Variants in SHOX observed in about 807,000 individuals in gnomAD.
The protein encoded by SHOX is SHOX homeobox.
Under a neutral mutation model 29.6 loss-of-function variants are expected in SHOX, and 12 were observed. The ratio of observed to expected loss-of-function variants is 0.41; its 90% CI spans 0.26 to 0.66. SHOX has a LOEUF of 0.66. Among genes scored for constraint, SHOX ranks in the 30% least tolerant of loss-of-function variants. The pLI, the probability that SHOX is intolerant of heterozygous loss-of-function variation, is 0.35. For missense variants in SHOX, 499 were observed against 437.7 expected (o/e 1.14, Z -1.25); for synonymous variants, 214 against 200.6 (o/e 1.07, Z -0.57).
intron 2 of SHOX, 103 bp from the exon 3 acceptor site, chrX:640,718 A>C: frequency 1.5e-6 from 2 of 1,306,352 alleles, no homozygotes; most frequent in Non-Finnish European, 2.2e-6. Context: ...CCCAGCTCCC[A>C]GAGGTGCAAA....
At chrX:627,771 C>G (rs966765843), upstream of SHOX, among the ~76,000 whole-genome samples, 14 of 152,120 alleles carry the variant, frequency 9.2e-5, no homozygotes, top group African/African-American at 2.9e-4. Context: ...GATTGCGGCC[C>G]AAGAAGGAAC....
At chrX:636,970 A>ATATATATATATATATATATATATATAT (rs1458275715) in intron 2 of SHOX, among the ~76,000 whole-genome samples, 92 of 137,266 alleles carry the variant, frequency 6.7e-4, no homozygotes, top group African/African-American at 1.3e-3. Flanking sequence ...ATATATATAT[A>ATATATATATATATATATATATATATAT]TTTTGGCTCC....
Position 651,102 on chromosome X carries a change from A to ATT in SHOX, c.*6468_*6469dup, listed in dbSNP as rs1203456620. ...ACTTTGTGATGTATGTGCATTTGTT[A>ATT]TTTATTTTTTTTTCCTTGGTCGGAC... On this transcript the variant is annotated 3_prime_UTR_variant, in exon 5 of 5. Transcript: ENST00000686671. The ATT allele has an allele frequency of 6.4e-6, 2 of 311,992 alleles. No homozygotes were observed. Among genetic ancestry groups the ATT allele is most frequent in the African/African-American group, 5.3e-5 (2 of 37,786 alleles). The allele number at this position is 311,992 out of a possible 1,614,324, so 19.3% of individuals were successfully genotyped here.
chrX:635,791 C>T (rs2052734917), intron 2 of SHOX, among the ~76,000 whole-genome samples: 1 of 152,018 alleles, frequency 6.6e-6, no homozygotes, highest in South Asian at 2.1e-4. Context: ...GACAGTTCAG[C>T]TCCCCTGGAA....
rs199719352 is a variant in SHOX, at chrX:625,057, T to TCCCTCCCTCCCTCCTTC, written c.-433+457_-433+458insCTCCCTCCCTCCTTCCC. On this transcript the variant is annotated intron_variant, in intron 1 of 5. Transcript: ENST00000334060. ...CCTTTCCTTTCCTCCCTCTGTTCCT[T>TCCCTCCCTCCCTCCTTC]CCTCCCTCCCTCCCTCCTTCTCTCC... Among the ~76,000 whole-genome samples, 57 of 97,164 alleles carry TCCCTCCCTCCCTCCTTC rather than the reference T, an allele frequency of 5.9e-4. 2 individuals carry two copies. The highest frequency in any genetic ancestry group is 1.8e-3 in the African/African-American group (51 of 28,842). 63.7% of individuals were successfully genotyped at this position (97,164 alleles called of 152,430 possible).
rs915669873 is a variant in SHOX at position 649,739 on chromosome X, G to A, written c.*5103G>A. On this transcript the variant is annotated 3_prime_UTR_variant, in exon 5 of 5. Coordinates refer to ENST00000686671, the MANE Select transcript of SHOX (RefSeq NM_000451.4). Reference sequence around the variant, plus strand: ...CACTGATAGGAACACGTTGCTGGCCGAACTGAACGATGCTGGGTTGGGTCC... The same window carrying A: ...CACTGATAGGAACACGTTGCTGGCCAAACTGAACGATGCTGGGTTGGGTCC... 3.9e-5 allele frequency among the ~76,000 whole-genome samples: 6 copies of A among 152,134 alleles called. No individual in the cohort carries two copies. The highest frequency in any genetic ancestry group is 1.2e-4 in the African/African-American group (5 of 41,436).
rs2053010398 is a variant in SHOX at position 649,009 on chromosome X, T to A, written c.*4373T>A. On this transcript the variant is annotated 3_prime_UTR_variant, in exon 5 of 5. Coordinates refer to ENST00000686671, the MANE Select transcript of SHOX (RefSeq NM_000451.4). ...TTTTCTTTCTCTTTTCCTTTTTTGT[T>A]TCTTTCTTTCTTTTTCTTTCTTTCT... Among the ~76,000 whole-genome samples the A allele has an allele frequency of 1.5e-5, 2 of 137,192 alleles. No individual in the cohort carries two copies. The highest frequency in any genetic ancestry group is 2.1e-4 in the South Asian group (1 of 4,688). The allele number at this position is 137,192 out of a possible 152,430, so 90.0% of individuals were successfully genotyped here. A position where few individuals can be genotyped will look rare whatever the true frequency, so the allele number is the denominator to read the frequency against.
intron 5 of SHOX, among the ~76,000 whole-genome samples, chrX:657,987 T>C (rs1039025158): frequency 4.6e-5 from 7 of 152,028 alleles, no homozygotes; most frequent in Non-Finnish European, 7.4e-5. Context: ...CTCTCTCTCT[T>C]TTTTTGAGAC....
At chrX:655,606 CTCTCTCTCTATATATATATATA>C (rs1166558345), downstream of SHOX, among the ~76,000 whole-genome samples, 1,346 of 35,336 alleles carry the variant, frequency 0.038, 6 homozygotes, top group African/African-American at 0.044. Context: ...CTCTCTCTCT[CTCTCTCTCTATATATATATATA>C]TATATATATA....
chrX:647,057 C>T lies in SHOX; in HGVS notation c.*2421C>T, dbSNP rs1603289354. 2.0e-5 allele frequency among the ~76,000 whole-genome samples: 3 copies of T among 152,284 alleles called. No individual in the cohort carries two copies. The highest frequency in any genetic ancestry group is 2.9e-5 in the Non-Finnish European group (2 of 68,030). Reference sequence around the variant, plus strand: ...TCACTCCACGTGAGTAGAAAGACATCTACCTGGTCCCTGTAGAATCTGAAC... The same window carrying T: ...TCACTCCACGTGAGTAGAAAGACATTTACCTGGTCCCTGTAGAATCTGAAC... On this transcript the variant is annotated 3_prime_UTR_variant, in exon 5 of 5. Transcript: ENST00000686671.
At chrX:655,639 T>TG (rs2053136619), downstream of SHOX, among the ~76,000 whole-genome samples, 1 of 116,366 alleles carries the variant, frequency 8.6e-6, no homozygotes, top group Non-Finnish European at 1.8e-5. Flanking sequence ...TATATATATA[T>TG]ATATATATAT....
chrX:636,121 A>G (rs2052741975), intron 2 of SHOX, among the ~76,000 whole-genome samples: 1 of 151,020 alleles, frequency 6.6e-6, no homozygotes, highest in South Asian at 2.1e-4. Flanking sequence ...ATCTTTCATT[A>G]TATGTGTGTC....
At chrX:624,869 T>TCTTTC (rs1491305005) in intron 1 of SHOX, among the ~76,000 whole-genome samples, 1,431 of 58,276 alleles carry the variant, frequency 0.025, 28 homozygotes, top group Non-Finnish European at 0.027. Context: ...TTCTTTTCTT[T>TCTTTC]CTTTCTTTCT....
chrX:643,006 C>G (rs1454807638), intron 4 of SHOX, among the ~76,000 whole-genome samples: 1 of 147,144 alleles, frequency 6.8e-6, no homozygotes, highest in Non-Finnish European at 1.5e-5. Flanking sequence ...GCTTGGGGAC[C>G]TGGTGTCTCT....
At position 630,843 on chromosome X, in the gene SHOX, C is replaced by T. The variant is rs772910213; in HGVS notation, c.-55C>T. On this transcript the variant is annotated 5_prime_UTR_variant, in exon 1 of 5. Transcript: ENST00000686671. Reference sequence around the variant, plus strand: ...GCGCGCACGGGCCGTCCTCTCCGCGCGGGGAGACGCGCGCATCCACCAGCC... The same window carrying T: ...GCGCGCACGGGCCGTCCTCTCCGCGTGGGGAGACGCGCGCATCCACCAGCC... 6,294 of 1,607,792 alleles carry T rather than the reference C, an allele frequency of 3.9e-3. 20 individuals carry two copies. The highest frequency in any genetic ancestry group is 4.8e-3 in the Non-Finnish European group (5,624 of 1,176,932).
chrX:652,217 T>C (rs1360287233), downstream of SHOX, among the ~76,000 whole-genome samples: 1 of 152,150 alleles, frequency 6.6e-6, no homozygotes, highest in Non-Finnish European at 1.5e-5. Flanking sequence ...TTTTATTTTG[T>C]TCCAGTTTTC....
chrX:653,823 C>G (rs1371644324), downstream of SHOX, among the ~76,000 whole-genome samples: 2 of 151,742 alleles, frequency 1.3e-5, no homozygotes, highest in Non-Finnish European at 2.9e-5. Flanking sequence ...TAATAGCAGA[C>G]AATGTAGGGA....
chrX:625,749 T>TC (rs1432113889), intron 1 of SHOX, among the ~76,000 whole-genome samples: 1 of 149,610 alleles, frequency 6.7e-6, no homozygotes, highest in African/African-American at 2.5e-5. Flanking sequence ...TCTCTTTTTC[T>TC]CTGTCTCTGT....
At chrX:629,614 C>T (rs1431987942), upstream of SHOX, among the ~76,000 whole-genome samples, 2 of 152,068 alleles carry the variant, frequency 1.3e-5, no homozygotes, top group Non-Finnish European at 1.5e-5. Flanking sequence ...ACACCCCAAC[C>T]CACCGTCACT....
Sources: gnomAD v4.1 joint callset for allele counts (sites outside exome capture counted in the v4.1 genomes callset) on GRCh38, gnomAD v4.1.1 for gene constraint, MANE v1.5 for transcripts, NCBI Gene and HGNC (gene_info 2026-07-23, HGNC 2026-07-21) for gene names.